The following TSPEAR variants were observed in gnomAD, a reference collection of about 807,000 sequenced individuals.
TSPEAR encodes thrombospondin-type laminin G domain and EAR repeat-containing protein.
A neutral mutation model predicts 71.6 loss-of-function variants in TSPEAR; 69 were observed. The ratio of observed to expected loss-of-function variants is 0.96; its 90% CI spans 0.79 to 1.18. The LOEUF is 1.18. Among genes scored for constraint, TSPEAR ranks in the 50% most tolerant of loss-of-function variants. The pLI, the probability that TSPEAR is intolerant of heterozygous loss-of-function variation, is 0.00. For missense variants in TSPEAR, 971 were observed against 894.9 expected, an observed-to-expected ratio of 1.09 and a Z score of -1.09; for synonymous variants, 402 against 387.2, an observed-to-expected ratio of 1.04 and a Z score of -0.45.
chr21:44,650,708 C>G (rs1555941266), intron 1 of TSPEAR, among the ~76,000 whole-genome samples: 1 of 152,168 alleles, frequency 6.6e-6, no homozygotes, highest in African/African-American at 2.4e-5. Context: ...CAGCAGCCCC[C>G]GGATGTCAAC....
chr21:44,507,568 T>C (rs1343764180), intron 10 of TSPEAR, among the ~76,000 whole-genome samples: 2 of 152,242 alleles, frequency 1.3e-5, no homozygotes, highest in African/African-American at 4.8e-5. Flanking sequence ...GTTCATAAAC[T>C]GTCCATACCA....
chr21:44,523,210 T>C (rs2052772482), intron 8 of TSPEAR, among the ~76,000 whole-genome samples: 1 of 150,386 alleles, frequency 6.6e-6, no homozygotes, highest in Non-Finnish European at 1.5e-5. Flanking sequence ...AAGTAGTCAG[T>C]CAGCCAGTCA....
At chr21:44,666,324 A>C in intron 1 of TSPEAR, 1 of 1,159,512 alleles carries the variant, frequency 8.6e-7, no homozygotes, top group Non-Finnish European at 1.2e-6. Flanking sequence ...CAGAATTCAG[A>C]GGGTTCAACT....
Position 44,520,643 on chromosome 21 carries a change from C to T in TSPEAR, c.1566+1240G>A, listed in dbSNP as rs1428276185. ...CTCCCGGTTTCCTAAGCTGCTCTTA[C>T]TCCTGCTGGGTGGAGGGGCTCCAGG... On this transcript the variant is annotated intron_variant, in intron 9 of 11. Coordinates refer to ENST00000323084, the MANE Select transcript of TSPEAR (RefSeq NM_144991.3). This position sits in a 1 kb window ranked among gnomAD's most constrained non-coding sequence, Gnocchi z 4.2. The T allele has an allele frequency of 3.3e-5, 5 of 152,404 alleles. No individual in the cohort carries two copies. In the East Asian group the frequency reaches 9.7e-4, roughly 29 times the overall value. 9.4% of individuals were successfully genotyped at this position (152,404 alleles called of 1,614,324 possible).
At chr21:44,512,008 GCA>G (rs2052397994) in intron 9 of TSPEAR, among the ~76,000 whole-genome samples, 2 of 152,248 alleles carry the variant, frequency 1.3e-5, no homozygotes, top group Admixed American at 1.3e-4. Context: ...GGCCTTGGGG[GCA>G]CAGAGGAAGA....
At chr21:44,599,686 T>C (rs1980645367) in intron 1 of TSPEAR, among the ~76,000 whole-genome samples, 1 of 152,254 alleles carries the variant, frequency 6.6e-6, no homozygotes, top group Non-Finnish European at 1.5e-5. Context: ...TGGAAACATT[T>C]AGCAGAAACA....
At position 44,520,544 on chromosome 21, in the gene TSPEAR, A is replaced by G. The variant is rs2052714312; in HGVS notation, c.1566+1339T>C. The G allele has an allele frequency of 6.6e-6, 1 of 152,134 alleles. No individual in the cohort carries two copies. 9.4% of individuals were successfully genotyped at this position (152,134 alleles called of 1,614,324 possible). On this transcript the variant is annotated intron_variant, in intron 9 of 11. Transcript: ENST00000323084. This position sits in a 1 kb window ranked among gnomAD's most constrained non-coding sequence, Gnocchi z 4.2. Reference sequence around the variant, plus strand: ...AGTCCCGGAGCAATTCTCTGCACGCATTAAGGCGTGTGATTGGTCCCTGTG... The same window carrying G: ...AGTCCCGGAGCAATTCTCTGCACGCGTTAAGGCGTGTGATTGGTCCCTGTG...
Position 44,635,345 on chromosome 21 carries a change from C to CAAA in TSPEAR, c.83-67343_83-67341dup, listed in dbSNP as rs56054652. 3.1e-3 allele frequency among the ~76,000 whole-genome samples: 258 copies of CAAA among 83,558 alleles called. 8 individuals are homozygous for CAAA. Among genetic ancestry groups the CAAA allele is most frequent in the African/African-American group, 8.2e-3 (168 of 20,458 alleles). The allele number at this position is 83,558 out of a possible 152,430, so 54.8% of individuals were successfully genotyped here. The stretch of plus-strand genomic sequence containing the variant: ...TGGGTGACAGAGGGAGACTCTGTCT[C>CAAA]AAAAAAAAAAAAAAAAAAAAAGAAT... On this transcript the variant is annotated intron_variant, in intron 1 of 11. Transcript: ENST00000323084.
chr21:44,500,494 G>C (rs587712689), intron 11 of TSPEAR, among the ~76,000 whole-genome samples: 9 of 152,354 alleles, frequency 5.9e-5, no homozygotes, highest in African/African-American at 2.2e-4. Context: ...CCCAAGGCAG[G>C]GCGCCGACAT....
chr21:44,533,671 G>T lies in TSPEAR; in HGVS notation c.542+14C>A, dbSNP rs200116408. On this transcript the variant is annotated intron_variant, in intron 3 of 11. Coordinates refer to ENST00000323084, the MANE Select transcript of TSPEAR (RefSeq NM_144991.3). ...TGAGGACTGCAGGTGCACCCTCCCC[G>T]GGTGGGTACCTACATGTCCACCGGG... 6.3e-7 allele frequency: 1 copy of T among 1,595,712 alleles called. No individual in the cohort carries two copies. Among genetic ancestry groups the T allele is most frequent in the South Asian group, 1.1e-5 (1 of 90,508 alleles).
intron 9 of TSPEAR, among the ~76,000 whole-genome samples, chr21:44,513,448 G>A (rs1375060678): frequency 6.6e-6 from 1 of 152,238 alleles, no homozygotes; most frequent in Admixed American, 6.5e-5. Context: ...CAAAGGCCCT[G>A]CCAAACCCTG....
chr21:44,707,974 C>T (rs1185123653), intron 1 of TSPEAR, among the ~76,000 whole-genome samples: 7 of 144,950 alleles, frequency 4.8e-5, no homozygotes, highest in African/African-American at 1.5e-4. Flanking sequence ...CTAGCCTGTG[C>T]CCCCCGATTC....
At chr21:44,679,803 A>G (rs1986493458) in intron 1 of TSPEAR, among the ~76,000 whole-genome samples, 1 of 152,340 alleles carries the variant, frequency 6.6e-6, no homozygotes, top group Admixed American at 6.5e-5. Context: ...CACCCCTTCA[A>G]TAAATGGTGC....
rs1410957473 is a variant in TSPEAR at position 44,626,396 on chromosome 21, G to A, written c.83-58391C>T. 5.3e-5 allele frequency among the ~76,000 whole-genome samples: 8 copies of A among 152,242 alleles called. No individual in the cohort carries two copies. In the East Asian group the frequency reaches 1.5e-3, roughly 29 times the overall value. ...CAGGGCTGGTGAGAAAAAGATGCTT[G>A]CAGTGCAGGGCACACGGAGGAGATG... On this transcript the variant is annotated intron_variant, in intron 1 of 11. Coordinates refer to ENST00000323084, the MANE Select transcript of TSPEAR (RefSeq NM_144991.3).
chr21:44,540,857 C>T (rs782689155), intron 2 of TSPEAR, among the ~76,000 whole-genome samples: 1 of 152,154 alleles, frequency 6.6e-6, no homozygotes, highest in Non-Finnish European at 1.5e-5. Context: ...GACTGGGTTT[C>T]GGACAGGAAA....
Position 44,661,206 on chromosome 21 carries a change from G to A in TSPEAR, c.82+50227C>T, listed in dbSNP as rs587748175. Among the ~76,000 whole-genome samples, 14 of 151,204 alleles carry A rather than the reference G, an allele frequency of 9.3e-5. No homozygotes were observed. In the East Asian group the frequency reaches 1.6e-3, roughly 17 times the overall value. On this transcript the variant is annotated intron_variant, in intron 1 of 11. Transcript: ENST00000323084. ...GGAGAATGGCGTGAACCCCAGAGGC[G>A]GAGGCGGAGCCTGCAGTGAGCCGAG...
intron 1 of TSPEAR, among the ~76,000 whole-genome samples, chr21:44,650,258 C>G (rs1332558269): frequency 2.0e-5 from 3 of 152,150 alleles, no homozygotes; most frequent in Non-Finnish European, 4.4e-5. Flanking sequence ...ATGCTGATCC[C>G]TCATACTGTA....
At chr21:44,573,484 C>T (rs587616331) in intron 1 of TSPEAR, among the ~76,000 whole-genome samples, 1 of 152,356 alleles carries the variant, frequency 6.6e-6, no homozygotes, top group East Asian at 1.9e-4. Flanking sequence ...TCAGCTCTTC[C>T]TCCTGAGTCT....
At chr21:44,599,170 CT>C (rs1980595297) in intron 1 of TSPEAR, among the ~76,000 whole-genome samples, 2 of 124,480 alleles carry the variant, frequency 1.6e-5, no homozygotes, top group African/African-American at 7.2e-5. Flanking sequence ...CTCTCTCTCT[CT>C]CCTTCCATCC....
Sources: gnomAD v4.1 joint callset for allele counts (sites outside exome capture counted in the v4.1 genomes callset) on GRCh38, gnomAD v4.1.1 for gene constraint, Gnocchi (gnomAD v3.1) non-coding constraint, MANE v1.5 for transcripts, NCBI Gene and HGNC (gene_info 2026-07-23, HGNC 2026-07-21) for gene names.